Variants in TMLHE observed in about 807,000 individuals in gnomAD.
TMLHE encodes trimethyllysine hydroxylase, epsilon, also known as trimethyllysine dioxygenase, mitochondrial.
TMLHE carries 18 observed loss-of-function variants against 25.7 expected under a neutral mutation model. The ratio of observed to expected loss-of-function variants is 0.70; its 90% CI spans 0.48 to 1.04. TMLHE has a LOEUF of 1.04. TMLHE is among the 50% of genes least tolerant of loss of function. The pLI is 0.00. For synonymous variants in TMLHE, 105 were observed against 97.0 expected (o/e 1.08, Z -0.49); for missense variants, 236 against 259.0 (o/e 0.91, Z 0.61).
chrX:155,564,316 A>T (rs782141680), intron 1 of TMLHE, among the ~76,000 whole-genome samples: 3 of 62,296 alleles, frequency 4.8e-5, no homozygotes, highest in African/African-American at 1.1e-4. Flanking sequence ...ATAGATGTGC[A>T]AGTAATTTAC....
At chrX:155,578,855 C>A (rs1298337957) in intron 1 of TMLHE, among the ~76,000 whole-genome samples, 2 of 111,613 alleles carry the variant, frequency 1.8e-5, no homozygotes, top group Non-Finnish European at 3.8e-5. Flanking sequence ...CCCAGAAAAA[C>A]TTTGCCCTAG....
In TMLHE at chrX:155,529,593, T is replaced by C. The variant is rs781904896; in HGVS notation, c.182-4961A>G. Among the ~76,000 whole-genome samples, 13 of 111,688 alleles carry C rather than the reference T, an allele frequency of 1.2e-4. No individual in the cohort carries two copies. The South Asian group carries it at 4.9e-3, about 42-fold the overall frequency. ...GTAGTTTTGATTTGTATTTCTCTTA[T>C]AATTAGTGATGTTGAGCATCTTTTC... On this transcript the variant is annotated intron_variant, in intron 2 of 7. Coordinates refer to ENST00000334398, the MANE Select transcript of TMLHE (RefSeq NM_018196.4).
chrX:155,611,424 C>G (rs1557348328), intron 1 of TMLHE: 1 of 111,536 alleles, frequency 9.0e-6, no homozygotes, highest in Non-Finnish European at 1.9e-5. Flanking sequence ...CTGTCAGAAA[C>G]ATTGTAAACA....
At chrX:155,579,401 G>A (rs2067611171) in intron 1 of TMLHE, among the ~76,000 whole-genome samples, 1 of 111,929 alleles carries the variant, frequency 8.9e-6, no homozygotes, top group Admixed American at 9.5e-5. Context: ...ATAAAAACAG[G>A]CACACAAATC....
intron 1 of TMLHE, among the ~76,000 whole-genome samples, chrX:155,579,321 C>T (rs985033266): frequency 1.1e-4 from 12 of 111,705 alleles, no homozygotes; most frequent in East Asian, 2.8e-4. Context: ...AGAACAAAGA[C>T]GGAGGTATCT....
chrX:155,578,324 C>G (rs1216889529), intron 1 of TMLHE, among the ~76,000 whole-genome samples: 1 of 111,501 alleles, frequency 9.0e-6, no homozygotes, highest in African/African-American at 3.3e-5. Context: ...AATACACTAA[C>G]CAGGGTCCCT....
At chrX:155,554,374 C>T (rs1017687012) in intron 1 of TMLHE, among the ~76,000 whole-genome samples, 25 of 110,367 alleles carry the variant, frequency 2.3e-4, no homozygotes, top group Non-Finnish European at 3.6e-4. Flanking sequence ...TATTTTACTT[C>T]CATTTTAAAA....
intron 2 of TMLHE, among the ~76,000 whole-genome samples, chrX:155,525,082 A>C (rs1467272702): frequency 5.4e-5 from 6 of 111,646 alleles, no homozygotes; most frequent in African/African-American, 2.0e-4. Context: ...GGATCAAAAG[A>C]AGGAAGCATA....
chrX:155,547,183 C>G (rs1038065004), intron 1 of TMLHE, among the ~76,000 whole-genome samples: 20 of 100,260 alleles, frequency 2.0e-4, no homozygotes, highest in Middle Eastern at 5.1e-3. Flanking sequence ...CTTGCTCTGT[C>G]GCCCAGGCTG....
chrX:155,539,271 T>C (rs1254269093), intron 2 of TMLHE, among the ~76,000 whole-genome samples: 3 of 111,622 alleles, frequency 2.7e-5, no homozygotes, highest in African/African-American at 9.8e-5. Flanking sequence ...GGATGCCAGG[T>C]TGGGGGCCTG....
chrX:155,551,293 T>G (rs148032091), intron 1 of TMLHE, among the ~76,000 whole-genome samples: 5,715 of 109,267 alleles, frequency 0.052, 207 homozygotes, highest in Non-Finnish European at 0.083. Context: ...CATGTGCCAT[T>G]TGGTGTGTCG....
At chrX:155,598,221 A>T in intron 1 of TMLHE, among the ~76,000 whole-genome samples, 1 of 111,608 alleles carries the variant, frequency 9.0e-6, no homozygotes, top group South Asian at 3.8e-4. Context: ...GATGTAGATG[A>T]AGCAGTGCCA....
In TMLHE at chrX:155,586,724, A is replaced by T. The variant is rs79515724; in HGVS notation, c.-2+26068T>A. 9.6e-3 allele frequency among the ~76,000 whole-genome samples: 1,077 copies of T among 112,059 alleles called. 10 individuals carry two copies. Among genetic ancestry groups the T allele is most frequent in the African/African-American group, 0.034 (1,037 of 30,899 alleles). On this transcript the variant is annotated intron_variant, in intron 1 of 7. Transcript: ENST00000334398. ...ACAGAAATACAAAAGATCATCAGAG[A>T]CTATTATGAACATCTATACACTAAC... is the stretch of plus-strand genomic sequence containing the variant.
At chrX:155,553,399 C>A (rs368232683) in intron 1 of TMLHE, among the ~76,000 whole-genome samples, 1 of 107,481 alleles carries the variant, frequency 9.3e-6, no homozygotes. Flanking sequence ...TGGTGGATTG[C>A]CCCTGTTATC....
At chrX:155,547,208 T>C (rs5940377) in intron 1 of TMLHE, among the ~76,000 whole-genome samples, 2 of 87,145 alleles carry the variant, frequency 2.3e-5, no homozygotes, top group African/African-American at 3.7e-5. Context: ...GCAGTGGCGC[T>C]ATCTCGGCTC....
chrX:155,569,219 G>A (rs1603070540), intron 1 of TMLHE, among the ~76,000 whole-genome samples: 1 of 57,367 alleles, frequency 1.7e-5, no homozygotes, highest in African/African-American at 4.2e-5. Flanking sequence ...GCGATCACCT[G>A]GAAGAAAGGG....
intron 1 of TMLHE, among the ~76,000 whole-genome samples, chrX:155,595,292 A>G (rs2067714790): frequency 8.9e-6 from 1 of 112,094 alleles, no homozygotes; most frequent in Admixed American, 9.5e-5. Flanking sequence ...GTATCCACCT[A>G]AAAAGCTGTG....
rs782122251 is a variant in TMLHE, at chrX:155,549,393, G to C, written c.-1-4116C>G. On this transcript the variant is annotated intron_variant, in intron 1 of 7. Transcript: ENST00000334398. ...GTTATTAATGGCCTTTTTCTGGTTG[G>C]GGAAGTTTCCTTCAATTCCTAGTTT... Among the ~76,000 whole-genome samples the C allele has an allele frequency of 2.7e-5, 3 of 109,721 alleles. 1 individual carries two copies. Among genetic ancestry groups the C allele is most frequent in the South Asian group, 3.9e-4 (1 of 2,578 alleles).
Position 155,563,347 on chromosome X carries a change from C to A in TMLHE, c.-1-18070G>T, listed in dbSNP as rs181908350. Among the ~76,000 whole-genome samples, 163 of 62,147 alleles carry A rather than the reference C, an allele frequency of 2.6e-3. 57 individuals carry two copies. The highest frequency in any genetic ancestry group is 6.7e-3 in the Non-Finnish European group (148 of 22,104). 54.0% of individuals were successfully genotyped at this position (62,147 alleles called of 115,157 possible). The stretch of plus-strand genomic sequence containing the variant: ...AAAGGGGAAGTTCCACACTTTTAGG[C>A]CATCAGATCTCCTGAGAATTCACTC... On this transcript the variant is annotated intron_variant, in intron 1 of 7. Transcript: ENST00000334398.
Sources: gnomAD v4.1 joint callset for allele counts (sites outside exome capture counted in the v4.1 genomes callset) on GRCh38, gnomAD v4.1.1 for gene constraint, MANE v1.5 for transcripts, NCBI Gene and HGNC (gene_info 2026-07-23, HGNC 2026-07-21) for gene names.